The following UMAD1 variants were observed in gnomAD, a reference collection of about 807,000 sequenced individuals.
The protein encoded by UMAD1 is UBAP1-MVB12-associated (UMA)-domain containing protein 1.
Under a neutral mutation model 6.1 loss-of-function variants are expected in UMAD1, and 8 were observed. The observed-to-expected ratio is 1.30, with a 90% CI of 0.76 to 2.35. The LOEUF (loss-of-function observed/expected upper bound fraction) is 2.35, where lower values mean the gene tolerates loss of function less well. Among genes scored for constraint, UMAD1 ranks in the 30% most tolerant of loss-of-function variants. The pLI is 0.00. For synonymous variants in UMAD1, 56 were observed against 31.4 expected (o/e 1.78, Z -2.61); for missense variants, 130 against 78.4 (o/e 1.66, Z -2.49).
At chr7:7,794,881 A>G (rs1304406810) in intron 2 of UMAD1, among the ~76,000 whole-genome samples, 1 of 152,170 alleles carries the variant, frequency 6.6e-6, no homozygotes, top group Non-Finnish European at 1.5e-5. Context: ...GACGCTTAGG[A>G]TATTCTCTAT....
chr7:7,702,851 C>G (rs149978302), intron 2 of UMAD1, among the ~76,000 whole-genome samples: 1 of 152,086 alleles, frequency 6.6e-6, no homozygotes, highest in Non-Finnish European at 1.5e-5. Flanking sequence ...ACAAGTCAAC[C>G]AGTTTGTTTG....
intron 2 of UMAD1, among the ~76,000 whole-genome samples, chr7:7,675,378 C>T (rs1339903749): frequency 6.6e-6 from 1 of 152,112 alleles, no homozygotes; most frequent in East Asian, 1.9e-4. Flanking sequence ...TGCAGTGGCT[C>T]CTGGTGCTGC....
intron 3 of UMAD1, among the ~76,000 whole-genome samples, chr7:7,813,247 G>A (rs1022733206): frequency 1.3e-5 from 2 of 151,994 alleles, no homozygotes; most frequent in Non-Finnish European, 2.9e-5. Flanking sequence ...ATGGAGTCTC[G>A]CTCTGTCGCC....
chr7:7,748,047 C>T (rs1781606449), intron 2 of UMAD1, among the ~76,000 whole-genome samples: 1 of 151,436 alleles, frequency 6.6e-6, no homozygotes, highest in South Asian at 2.1e-4. Context: ...AACGATTCTC[C>T]TGCCTCAGCC....
At chr7:7,660,028 T>A (rs1403044868) in intron 1 of UMAD1, among the ~76,000 whole-genome samples, 1 of 152,240 alleles carries the variant, frequency 6.6e-6, no homozygotes, top group African/African-American at 2.4e-5. Context: ...GCTCTTCTTG[T>A]TGCATTGATC....
chr7:7,860,099 A>G (rs1430143121), intron 3 of UMAD1, among the ~76,000 whole-genome samples: 1 of 152,188 alleles, frequency 6.6e-6, no homozygotes, highest in Non-Finnish European at 1.5e-5. Flanking sequence ...TATAATAACC[A>G]CAGAAAAGTA....
chr7:7,644,715 C>G (rs1174692242), intron 1 of UMAD1, among the ~76,000 whole-genome samples: 3 of 152,110 alleles, frequency 2.0e-5, no homozygotes, highest in Non-Finnish European at 2.9e-5. Context: ...TTTTCTATCC[C>G]TGAACCACTA....
chr7:7,698,947 C>G (rs1290967150), intron 2 of UMAD1, among the ~76,000 whole-genome samples: 1 of 151,038 alleles, frequency 6.6e-6, no homozygotes, highest in Non-Finnish European at 1.5e-5. Context: ...CTCGACTTCC[C>G]TGGGCTCAGT....
At chr7:7,741,600 AATAATAAT>A (rs1781467106) in intron 2 of UMAD1, among the ~76,000 whole-genome samples, 17 of 148,102 alleles carry the variant, frequency 1.1e-4, no homozygotes, top group Admixed American at 1.1e-3. Context: ...TAATAATAAT[AATAATAAT>A]AATAATAAAA....
At chr7:7,793,304 G>C (rs911326151) in intron 2 of UMAD1, among the ~76,000 whole-genome samples, 4 of 152,316 alleles carry the variant, frequency 2.6e-5, no homozygotes, top group African/African-American at 9.6e-5. Flanking sequence ...TTTGGGTAGA[G>C]TTCTGTCAGA....
At chr7:7,757,625 G>A (rs551423106) in intron 2 of UMAD1, among the ~76,000 whole-genome samples, 5 of 152,308 alleles carry the variant, frequency 3.3e-5, no homozygotes, top group Admixed American at 2.0e-4. Flanking sequence ...TAGATAAACA[G>A]AAAGCCATGT....
rs1316173310 is a variant in UMAD1, at chr7:7,847,105, ATATATATATATAT to A, written c.157-30175_157-30163del. On this transcript the variant is annotated intron_variant, in intron 3 of 3. Coordinates refer to ENST00000682710, the MANE Select transcript of UMAD1 (RefSeq NM_001302348.2). ...AGCAATGCAAAAAAAAAAAAAAAAA[ATATATATATATAT>A]ATATATATATATATATATATATATA... Among the ~76,000 whole-genome samples, 22 of 4,544 alleles carry A rather than the reference ATATATATATATAT, an allele frequency of 4.8e-3. 2 individuals carry two copies. The highest frequency in any genetic ancestry group is 0.023 in the African/African-American group (13 of 566). The allele number at this position is 4,544 out of a possible 152,430, so 3.0% of individuals were successfully genotyped here. A position where few individuals can be genotyped will look rare whatever the true frequency, so the allele number is the denominator to read the frequency against.
At chr7:7,805,838 C>T (rs894827615) in intron 3 of UMAD1, among the ~76,000 whole-genome samples, 1 of 152,186 alleles carries the variant, frequency 6.6e-6, no homozygotes, top group Non-Finnish European at 1.5e-5. Context: ...ATGTGTCCTT[C>T]CCCCAGTCAC....
chr7:7,812,363 C>G (rs7792722), intron 3 of UMAD1, among the ~76,000 whole-genome samples: 130,212 of 152,212 alleles, frequency 0.86, 55,949 homozygotes, highest in African/African-American at 0.95. Flanking sequence ...TGCTTTTGTA[C>G]CTCTGCTGGA....
At chr7:7,654,524 G>A (rs926551147) in intron 1 of UMAD1, among the ~76,000 whole-genome samples, 1 of 152,190 alleles carries the variant, frequency 6.6e-6, no homozygotes, top group Non-Finnish European at 1.5e-5. Flanking sequence ...AAATGGTATA[G>A]TATTTGTATA....
intron 2 of UMAD1, among the ~76,000 whole-genome samples, chr7:7,686,987 G>T (rs28912736): frequency 2.0e-5 from 3 of 152,178 alleles, no homozygotes; most frequent in Non-Finnish European, 4.4e-5. Flanking sequence ...TACGTTGTAA[G>T]GATAGCTGAA....
intron 2 of UMAD1, chr7:7,715,145 C>T (rs1780866235): frequency 6.6e-6 from 1 of 152,134 alleles, no homozygotes; most frequent in African/African-American, 2.4e-5. Context: ...GCACCTTCAG[C>T]ATAGAAACAG....
intron 2 of UMAD1, among the ~76,000 whole-genome samples, chr7:7,682,252 G>C (rs2115123500): frequency 6.6e-6 from 1 of 152,168 alleles, no homozygotes; most frequent in South Asian, 2.1e-4. Flanking sequence ...ACAGCAGCTT[G>C]GATTTCACCT....
chr7:7,672,165 TG>T (rs1316471256), intron 1 of UMAD1, among the ~76,000 whole-genome samples: 4 of 152,214 alleles, frequency 2.6e-5, no homozygotes, highest in African/African-American at 9.6e-5. Flanking sequence ...AACTAAAACT[TG>T]GAGCACTTGC....
Sources: gnomAD v4.1 joint callset for allele counts (sites outside exome capture counted in the v4.1 genomes callset) on GRCh38, gnomAD v4.1.1 for gene constraint, MANE v1.5 for transcripts, NCBI Gene and HGNC (gene_info 2026-07-23, HGNC 2026-07-21) for gene names.